The following FYB1 variants were observed in gnomAD, a reference collection of about 807,000 sequenced individuals.
FYB1 encodes FYN binding protein 1.
A neutral mutation model predicts 94.1 loss-of-function variants in FYB1; 41 were observed. The ratio of observed to expected loss-of-function variants is 0.44; its 90% CI spans 0.34 to 0.57. The LOEUF is 0.57. Ranked by LOEUF, FYB1 falls within the 20% of genes least tolerant of loss-of-function variation. FYB1 has a pLI of 0.02. For synonymous variants in FYB1, 367 were observed against 353.2 expected, an observed-to-expected ratio of 1.04 and a Z score of -0.44; for missense variants, 1,050 against 976.8, an observed-to-expected ratio of 1.07 and a Z score of -1.00.
At chr5:39,270,892 A>C in intron 1 of FYB1, 1 of 305,436 alleles carries the variant, frequency 3.3e-6, no homozygotes, top group Non-Finnish European at 6.0e-6. Flanking sequence ...TACATTATTA[A>C]TGTTTTATAT....
chr5:39,221,993 ACT>A (rs1750281801), upstream of FYB1, among the ~76,000 whole-genome samples: 3 of 151,940 alleles, frequency 2.0e-5, no homozygotes, highest in Admixed American at 1.3e-4. Flanking sequence ...CAAGAGCAAG[ACT>A]CTGTCTCAAA....
upstream of FYB1, among the ~76,000 whole-genome samples, chr5:39,219,861 C>T (rs1394141239): frequency 6.6e-6 from 1 of 152,210 alleles, no homozygotes; most frequent in African/African-American, 2.4e-5. Flanking sequence ...AATCTTTCCA[C>T]ACACCCAGGA....
chr5:39,186,383 C>T (rs952785565), intron 2 of FYB1, among the ~76,000 whole-genome samples: 1 of 152,130 alleles, frequency 6.6e-6, no homozygotes, highest in South Asian at 2.1e-4. Context: ...AATATAGTGC[C>T]GCTGCACTCC....
At chr5:39,177,171 T>A (rs1745808142) in intron 2 of FYB1, among the ~76,000 whole-genome samples, 1 of 152,200 alleles carries the variant, frequency 6.6e-6, no homozygotes, top group African/African-American at 2.4e-5. Context: ...TTTAGTAACA[T>A]CATGCAGTGG....
chr5:39,197,692 C>T (rs1198510136), intron 2 of FYB1, among the ~76,000 whole-genome samples: 2 of 152,234 alleles, frequency 1.3e-5, no homozygotes, highest in Non-Finnish European at 2.9e-5. Context: ...GGCTTTGCAG[C>T]CTCTCCACCT....
chr5:39,214,414 G>T (rs968646454), intron 1 of FYB1, among the ~76,000 whole-genome samples: 1 of 152,192 alleles, frequency 6.6e-6, no homozygotes, highest in African/African-American at 2.4e-5. Context: ...ACTGAAAGCA[G>T]GGACTTGAGC....
chr5:39,235,655 AAGCAGTTTTTG>A (rs1400255960), intron 1 of FYB1, among the ~76,000 whole-genome samples: 1 of 151,640 alleles, frequency 6.6e-6, no homozygotes, highest in East Asian at 1.9e-4. Context: ...AACAGTCGTT[AAGCAGTTTTTG>A]AGCAAGTATT....
intron 1 of FYB1, among the ~76,000 whole-genome samples, chr5:39,234,046 C>CT (rs1294567782): frequency 6.6e-6 from 1 of 152,070 alleles, no homozygotes; most frequent in Admixed American, 6.6e-5. Flanking sequence ...GTGGCTAACT[C>CT]TTTAAGTAAA....
chr5:39,182,287 ATGTGTGTGTGTGTGTGTGTG>A (rs57111701), intron 2 of FYB1, among the ~76,000 whole-genome samples: 7,554 of 140,226 alleles, frequency 0.054, 425 homozygotes, highest in African/African-American at 0.15. Flanking sequence ...GTGTGCATGC[ATGTGTGTGTGTGTGTGTGTG>A]TGTGTGTGTG....
At chr5:39,162,191 T>G (rs1012307944) in intron 2 of FYB1, among the ~76,000 whole-genome samples, 3 of 152,210 alleles carry the variant, frequency 2.0e-5, no homozygotes, top group Admixed American at 2.0e-4. Flanking sequence ...TTCTCCTGGG[T>G]AAATACCAAG....
At chr5:39,145,655 T>A (rs1486054306) in intron 3 of FYB1, among the ~76,000 whole-genome samples, 2 of 152,194 alleles carry the variant, frequency 1.3e-5, no homozygotes, top group South Asian at 4.1e-4. Context: ...TAAAATACAC[T>A]GACATTGTAC....
intron 1 of FYB1, among the ~76,000 whole-genome samples, chr5:39,260,961 G>T (rs1752183432): frequency 6.6e-6 from 1 of 152,024 alleles, no homozygotes; most frequent in African/African-American, 2.4e-5. Context: ...CAGAAATAGG[G>T]TTGAAGGATT....
intron 1 of FYB1, among the ~76,000 whole-genome samples, chr5:39,273,792 T>C (rs950392905): frequency 6.6e-6 from 1 of 152,142 alleles, no homozygotes; most frequent in Non-Finnish European, 1.5e-5. Context: ...TCTAGAAGAA[T>C]GGGGTGGCTA....
At chr5:39,176,598 C>T (rs1487912573) in intron 2 of FYB1, among the ~76,000 whole-genome samples, 1 of 152,198 alleles carries the variant, frequency 6.6e-6, no homozygotes, top group Non-Finnish European at 1.5e-5. Flanking sequence ...TATGATTGGT[C>T]TTCATTTCTT....
chr5:39,219,001 T>G (rs192293359), intron 1 of FYB1, among the ~76,000 whole-genome samples: 1 of 152,270 alleles, frequency 6.6e-6, no homozygotes, highest in East Asian at 1.9e-4. Context: ...TCCTGCCAGG[T>G]TTGGAGGAAA....
At chr5:39,240,461 T>C (rs1314873326) in intron 1 of FYB1, among the ~76,000 whole-genome samples, 1 of 152,020 alleles carries the variant, frequency 6.6e-6, no homozygotes, top group African/African-American at 2.4e-5. Flanking sequence ...TACAAGGAAT[T>C]TAAACAACTT....
At chr5:39,110,475 G>C (rs1254101830) in intron 16 of FYB1, 86 bp from the exon 17 acceptor site, 3 of 825,360 alleles carry the variant, frequency 3.6e-6, no homozygotes, top group East Asian at 5.1e-5. Context: ...AAACACAAGA[G>C]AGTAATCATA....
intron 2 of FYB1, chr5:39,170,218 C>T: frequency 4.6e-6 from 4 of 870,946 alleles, no homozygotes; most frequent in Non-Finnish European, 7.6e-6. Context: ...AGTATTTTTG[C>T]TATATATGAT....
At chr5:39,269,717 G>A (rs1356529116) in intron 1 of FYB1, 2 of 152,212 alleles carry the variant, frequency 1.3e-5, no homozygotes, top group Non-Finnish European at 2.9e-5. Flanking sequence ...AGCAAGCACA[G>A]GAGTCATCGT....
Sources: allele counts gnomAD v4.1 joint callset (sites outside exome capture counted in the v4.1 genomes callset), GRCh38; gene constraint gnomAD v4.1.1; transcripts MANE v1.5; gene names NCBI Gene and HGNC (gene_info 2026-07-23, HGNC 2026-07-21).